The following MYBBP1A variants were observed in gnomAD, a reference collection of about 807,000 sequenced individuals.
MYBBP1A encodes MYB binding protein 1a.
Under a neutral mutation model 136.3 loss-of-function variants are expected in MYBBP1A, and 147 were observed. The ratio of observed to expected loss-of-function variants is 1.08; its 90% CI spans 0.94 to 1.24. The LOEUF (loss-of-function observed/expected upper bound fraction) is 1.24, where lower values mean the gene tolerates loss of function less well. Among genes scored for constraint, MYBBP1A ranks in the 50% most tolerant of loss-of-function variants. MYBBP1A has a pLI of 0.00. For synonymous variants in MYBBP1A, 947 were observed against 735.8 expected, an observed-to-expected ratio of 1.29 and a Z score of -4.65; for missense variants, 2,060 against 1,727.4, an observed-to-expected ratio of 1.19 and a Z score of -3.41.
chr17:4,541,954 T>G (rs545778317), intron 22 of MYBBP1A, 63 bp from the exon 23 acceptor site: 76 of 1,373,110 alleles, frequency 5.5e-5, no homozygotes, highest in Non-Finnish European at 7.4e-5. Flanking sequence ...GGCTCAGGGA[T>G]GCATGAGGGC....
chr17:4,547,937 CT>C lies in MYBBP1A; in HGVS notation c.1824+20del. On this transcript the variant is annotated intron_variant, in intron 13 of 25. Transcript: ENST00000254718. ...CCATAGAACCCCAGGCTCACAGCCC[CT>C]CCCTCCCAGGCCCCAGTACCTTGAG... 6.9e-7 allele frequency: 1 copy of C among 1,456,448 alleles called. No homozygotes were observed. The allele number at this position is 1,456,448 out of a possible 1,614,324, so 90.2% of individuals were successfully genotyped here.
chr17:4,552,092 A>G lies in MYBBP1A; in HGVS notation c.905+33T>C. On this transcript the variant is annotated intron_variant, in intron 7 of 25. Transcript: ENST00000254718. The surrounding 1 kb of genome is among the most constrained non-coding windows in gnomAD (Gnocchi z 4.7). Reference sequence around the variant, plus strand: ...GCCTAGCCCACTTCACGGACAGGGAAGGGGGCCGAGAGAGGACACGCGTCG... The same window carrying G: ...GCCTAGCCCACTTCACGGACAGGGAGGGGGGCCGAGAGAGGACACGCGTCG... The G allele has an allele frequency of 6.2e-7, 1 of 1,605,136 alleles. No individual in the cohort carries two copies. Among genetic ancestry groups the G allele is most frequent in the Non-Finnish European group, 8.5e-7 (1 of 1,174,928 alleles).
chr17:4,549,266 G>A (rs544674668), intron 10 of MYBBP1A, 66 bp downstream of exon 10: 4 of 1,406,148 alleles, frequency 2.8e-6, no homozygotes, highest in African/African-American at 2.8e-5. Flanking sequence ...AAACTAGGAC[G>A]AGTTAAGGGG....
At position 4,541,908 on chromosome 17, in the gene MYBBP1A, G is replaced by C; in HGVS notation, c.3088-17C>G. 2 of 1,606,878 alleles carry C rather than the reference G, an allele frequency of 1.2e-6. No individual in the cohort carries two copies. Among genetic ancestry groups the C allele is most frequent in the Admixed American group, 3.3e-5 (2 of 59,942 alleles). On this transcript the variant is annotated splice_polypyrimidine_tract_variant and intron_variant, in intron 22 of 25. Coordinates refer to ENST00000254718, the MANE Select transcript of MYBBP1A (RefSeq NM_014520.4). ...CAGGCAGGCCTGTGGGTGGGCAAAGGTGGGTGGCAGGAGCCTTGGCACGTT... is the reference window on the plus strand; with the variant it reads ...CAGGCAGGCCTGTGGGTGGGCAAAGCTGGGTGGCAGGAGCCTTGGCACGTT...
At position 4,553,792 on chromosome 17, in the gene MYBBP1A, C is replaced by T; in HGVS notation, c.561+18G>A. 1.2e-6 allele frequency: 2 copies of T among 1,609,074 alleles called. No homozygotes were observed. The highest frequency in any genetic ancestry group is 1.7e-6 in the Non-Finnish European group (2 of 1,175,820). On this transcript the variant is annotated intron_variant, in intron 5 of 25. Coordinates refer to ENST00000254718, the MANE Select transcript of MYBBP1A (RefSeq NM_014520.4). ...TAACAAAGTGTTGCCTGGGCCCGCA[C>T]AGCTGGGGAGCTCATACCTCGGAGA...
At position 4,544,731 on chromosome 17, in the gene MYBBP1A, C is replaced by T. The variant is rs755859338; in HGVS notation, c.2481+20G>A. 2.8e-5 allele frequency: 42 copies of T among 1,522,264 alleles called. No homozygotes were observed. The highest frequency in any genetic ancestry group is 2.7e-4 in the East Asian group (11 of 41,356). The allele number at this position is 1,522,264 out of a possible 1,614,324, so 94.3% of individuals were successfully genotyped here. On this transcript the variant is annotated intron_variant, in intron 18 of 25. Transcript: ENST00000254718. ...GCGCACAGGGAGGCGGGGGTGGGTG[C>T]GGCCCGCCCCCAGGCTCACCCGGAT...
intron 8 of MYBBP1A, among the ~76,000 whole-genome samples, chr17:4,551,221 G>C (rs1907473037): frequency 6.6e-6 from 1 of 152,228 alleles, no homozygotes; most frequent in African/African-American, 2.4e-5. Context: ...TCACTGCAAA[G>C]ATAAAATGAG....
At chr17:4,546,686 A>G (rs1823099506) in intron 13 of MYBBP1A, among the ~76,000 whole-genome samples, 7 of 152,228 alleles carry the variant, frequency 4.6e-5, no homozygotes, top group Admixed American at 4.6e-4. Context: ...ACTGGGGATA[A>G]CCCCAGACTC....
intron 22 of MYBBP1A, 104 bp downstream of exon 22, chr17:4,542,360 T>G (rs747261546): frequency 1.4e-5 from 19 of 1,310,690 alleles, no homozygotes; most frequent in Non-Finnish European, 2.0e-5. Context: ...GCTGTGCCCG[T>G]GCTCACCAGG....
intron 19 of MYBBP1A, among the ~76,000 whole-genome samples, chr17:4,543,952 T>C (rs72830100): frequency 0.016 from 2,472 of 152,282 alleles, 25 homozygotes; most frequent in Non-Finnish European, 0.026. Context: ...GGTCAGGGCC[T>C]GCGAGGGTGC....
In MYBBP1A at chr17:4,551,901, C is replaced by G. The variant is rs891998305; in HGVS notation, c.1002G>C (p.Gly334=). The part of the protein sequence containing the change: ...VMQGDVIRHY[G]EHVCTAKLPK... ...CCACCTTAGCAGTGCACACGTGCTCCCCGTAATGGCGGATCACGTCTCCCT... is the reference window on the plus strand; with the variant it reads ...CCACCTTAGCAGTGCACACGTGCTCGCCGTAATGGCGGATCACGTCTCCCT... Residue 334 remains glycine, a synonymous_variant, in exon 8 of 26, where the codon GGG becomes GGC. Coordinates refer to ENST00000254718, the MANE Select transcript of MYBBP1A (RefSeq NM_014520.4). 8.7e-6 allele frequency: 14 copies of G among 1,613,492 alleles called. No homozygotes were observed. Among genetic ancestry groups the G allele is most frequent in the Non-Finnish European group, 1.2e-5 (14 of 1,179,872 alleles).
At chr17:4,540,118 G>T (rs1240441008) in intron 25 of MYBBP1A, 151 bp from the exon 26 acceptor site, 3 of 1,163,170 alleles carry the variant, frequency 2.6e-6, no homozygotes, top group Non-Finnish European at 3.6e-6. Flanking sequence ...TCCTATGAGG[G>T]TCCTGCGAGG....
In MYBBP1A at chr17:4,545,835, C is replaced by A. The variant is rs1369954594; in HGVS notation, c.1921+11G>T. The A allele has an allele frequency of 1.2e-6, 2 of 1,612,546 alleles. No homozygotes were observed. The highest frequency in any genetic ancestry group is 4.5e-5 in the East Asian group (2 of 44,880). ...CCACCACTCTAGTCCCTCTCGTGAC[C>A]AAGGACCCACCGATGGTCTTGGTGC... On this transcript the variant is annotated intron_variant, in intron 14 of 25. Coordinates refer to ENST00000254718, the MANE Select transcript of MYBBP1A (RefSeq NM_014520.4).
At chr17:4,547,660 G>A in intron 13 of MYBBP1A, 1 of 360,966 alleles carries the variant, frequency 2.8e-6, no homozygotes, top group Non-Finnish European at 5.0e-6. Flanking sequence ...GGGGTACAGT[G>A]CAAGCTCCTT....
In MYBBP1A at chr17:4,545,094, G is replaced by C; in HGVS notation, c.2242C>G (p.Arg748Gly). Reference protein sequence around the residue: ...SEGEESEEEERDGDVDQGFRE... With the variant: ...SEGEESEEEEGDGDVDQGFRE... ...AAGCCCTGATCCACGTCCCCGTCGC[G>C]CTCCTCCTCCTCGCTCTCCTCCCCC... The change falls in exon 17 of 26, where the codon CGC (arginine) becomes GGC (glycine). Residue 748 changes from arginine (R) to glycine (G), a missense_variant. By Grantham distance (125) the Arg-to-Gly change is moderately radical. Transcript: ENST00000254718. 6.3e-7 allele frequency: 1 copy of C among 1,594,692 alleles called. No homozygotes were observed. Among genetic ancestry groups the C allele is most frequent in the Non-Finnish European group, 8.5e-7 (1 of 1,171,814 alleles).
rs138118665 is a variant in MYBBP1A at position 4,541,787 on chromosome 17, G to A, written c.3192C>T (p.Thr1064=). ...QLMGQVLAKV[T]ENLRVLGEAQ... is the part of the protein sequence containing the mutation. ...AAGGGCGCCCCCCGGCTGTTACCTCGGTGACCTTTGCTAGGACCTGGCCCA... is the reference window on the plus strand; with the variant it reads ...AAGGGCGCCCCCCGGCTGTTACCTCAGTGACCTTTGCTAGGACCTGGCCCA... Residue 1064 remains threonine (T), a synonymous_variant, in exon 23 of 26, where the codon ACC becomes ACT. Transcript: ENST00000254718. The A allele has an allele frequency of 8.3e-4, 1,334 of 1,613,760 alleles. 7 individuals are homozygous for A. The African/African-American group carries it at 0.015, about 18-fold the overall frequency.
rs1233168378 is a variant in MYBBP1A at position 4,548,881 on chromosome 17, C to T, written c.1431-232G>A. On this transcript the variant is annotated intron_variant, in intron 10 of 25. Transcript: ENST00000254718. This position sits in a 1 kb window ranked among gnomAD's most constrained non-coding sequence, Gnocchi z 4.2. ...ATCCCCAGCTGAACGCGGGTTAACC[C>T]GAGCTAGAGAGAGTCAGTGCCCCTC... 2.0e-5 allele frequency among the ~76,000 whole-genome samples: 3 copies of T among 152,208 alleles called. No individual in the cohort carries two copies. Among genetic ancestry groups the T allele is most frequent in the African/African-American group, 4.8e-5 (2 of 41,452 alleles).
At position 4,541,510 on chromosome 17, in the gene MYBBP1A, A is replaced by C; in HGVS notation, c.3250T>G (p.Ser1084Ala). 1.2e-6 allele frequency: 2 copies of C among 1,613,542 alleles called. No individual in the cohort carries two copies. Among genetic ancestry groups the C allele is most frequent in the Non-Finnish European group, 1.7e-6 (2 of 1,180,028 alleles). Residue 1084 changes from serine to alanine, a missense_variant, in exon 24 of 26, where the codon TCC becomes GCC. Coordinates refer to ENST00000254718, the MANE Select transcript of MYBBP1A (RefSeq NM_014520.4). ...AGAACGTTGAGCAGCTCCAGGGAGG[A>C]CAGTGCCTGCTGATGCTGCGCCTTG... ...QTKAQHQQAL[S>A]SLELLNVLFR...
At chr17:4,546,052 C>A (rs1906988025) in intron 13 of MYBBP1A, 110 bp from the exon 14 acceptor site, 1 of 990,078 alleles carries the variant, frequency 1.0e-6, no homozygotes, top group South Asian at 1.5e-5. Context: ...CCTCCAACAC[C>A]CAGCCACTGG....
Sources: allele counts gnomAD v4.1 joint callset (sites outside exome capture counted in the v4.1 genomes callset), GRCh38; gene constraint gnomAD v4.1.1; non-coding constraint Gnocchi (gnomAD v3.1); transcripts MANE v1.5; gene names NCBI Gene and HGNC (gene_info 2026-07-23, HGNC 2026-07-21).